MSI2: variants seen among roughly 807,000 people sequenced by gnomAD.
The protein encoded by MSI2 is RNA-binding protein Musashi homolog 2.
MSI2 carries 17 observed loss-of-function variants against 45.6 expected under a neutral mutation model. The observed-to-expected ratio is 0.37, with a 90% confidence interval of 0.26 to 0.56. The LOEUF is 0.56. MSI2 is among the 20% of genes least tolerant of loss of function. The probability of loss-of-function intolerance (pLI) is 0.77; values close to 1 mark genes in which losing one functional copy is unlikely to be tolerated. For missense variants in MSI2, 293 were observed against 444.2 expected (o/e 0.66, Z 3.06); for synonymous variants, 156 against 158.2 (o/e 0.99, Z 0.11).
At chr17:57,348,925 C>T (rs1039716302) in intron 5 of MSI2, among the ~76,000 whole-genome samples, 5 of 152,212 alleles carry the variant, frequency 3.3e-5, no homozygotes, top group Non-Finnish European at 7.3e-5. Flanking sequence ...TATTTACACT[C>T]GTGCCTGTTA....
chr17:57,663,194 G>T (rs1477773693), intron 11 of MSI2, among the ~76,000 whole-genome samples: 1 of 152,176 alleles, frequency 6.6e-6, no homozygotes, highest in Non-Finnish European at 1.5e-5. Context: ...GGGCCAAGGC[G>T]GGAGCAGCGG....
At chr17:57,650,959 T>C (rs1911099873) in intron 10 of MSI2, among the ~76,000 whole-genome samples, 1 of 152,174 alleles carries the variant, frequency 6.6e-6, no homozygotes. Context: ...GGGCTGTTTA[T>C]TGAGTTTGCG....
chr17:57,608,075 A>G (rs1906827027), intron 8 of MSI2, among the ~76,000 whole-genome samples: 1 of 152,208 alleles, frequency 6.6e-6, no homozygotes, highest in African/African-American at 2.4e-5. Flanking sequence ...AAAGGAGCAG[A>G]AGGGCTTGTA....
intron 7 of MSI2, among the ~76,000 whole-genome samples, chr17:57,563,711 C>G (rs112258765): frequency 0.025 from 3,535 of 141,652 alleles, 174 homozygotes; most frequent in African/African-American, 0.095. Flanking sequence ...CTGTCTGTCT[C>G]TCTCTCTCTT....
intron 5 of MSI2, among the ~76,000 whole-genome samples, chr17:57,324,326 G>A (rs1913607541): frequency 1.3e-5 from 2 of 152,198 alleles, no homozygotes; most frequent in South Asian, 4.1e-4. Flanking sequence ...ACCGCATGAG[G>A]TGGCTGCACA....
intron 6 of MSI2, among the ~76,000 whole-genome samples, chr17:57,414,039 G>A (rs1260814726): frequency 1.3e-5 from 2 of 150,832 alleles, no homozygotes; most frequent in Non-Finnish European, 2.9e-5. Flanking sequence ...ACAAGCATGG[G>A]GTGTGGGTGG....
rs1182197022 is a variant in MSI2, at chr17:57,517,241, T to C, written c.406-12435T>C. Among the ~76,000 whole-genome samples, 4 of 152,008 alleles carry C rather than the reference T, an allele frequency of 2.6e-5. No individual in the cohort carries two copies. In the South Asian group the frequency reaches 8.3e-4, roughly 32 times the overall value. ...GGGATGACTTTAGGGATAAGGGGAT[T>C]GGGGAGATTGGCTGCCAGGCAGCCC... On this transcript the variant is annotated intron_variant, in intron 6 of 13. Transcript: ENST00000284073.
chr17:57,662,038 A>T (rs1912028134), intron 11 of MSI2, among the ~76,000 whole-genome samples: 1 of 152,174 alleles, frequency 6.6e-6, no homozygotes, highest in Admixed American at 6.5e-5. Context: ...CCGGCGGCAA[A>T]GTCAGCCTAG....
At chr17:57,535,680 A>G (rs949959793) in intron 7 of MSI2, among the ~76,000 whole-genome samples, 3 of 152,174 alleles carry the variant, frequency 2.0e-5, no homozygotes, top group African/African-American at 7.2e-5. Context: ...TCTTGAACTA[A>G]GAGGGTCCTT....
intron 5 of MSI2, among the ~76,000 whole-genome samples, chr17:57,376,945 G>T (rs763991826): frequency 6.8e-6 from 1 of 146,318 alleles, no homozygotes; most frequent in Non-Finnish European, 1.5e-5. Context: ...TTTTGAGACG[G>T]AGTCTCGCTC....
At chr17:57,282,996 C>A (rs1181818821) in intron 5 of MSI2, among the ~76,000 whole-genome samples, 1 of 152,054 alleles carries the variant, frequency 6.6e-6, no homozygotes. Flanking sequence ...ACCATGTTCA[C>A]CTTTAACTGC....
At chr17:57,364,193 A>G (rs1175993613) in intron 5 of MSI2, among the ~76,000 whole-genome samples, 1 of 152,210 alleles carries the variant, frequency 6.6e-6, no homozygotes, top group East Asian at 1.9e-4. Flanking sequence ...GAACAGCAAG[A>G]CCTCATGTAG....
At chr17:57,632,627 G>A (rs1224236621) in intron 10 of MSI2, 29 of 1,065,842 alleles carry the variant, frequency 2.7e-5, no homozygotes, top group Non-Finnish European at 3.3e-5. Flanking sequence ...CTCAAGGTTG[G>A]CACTCCTGCC....
intron 6 of MSI2, among the ~76,000 whole-genome samples, chr17:57,470,095 C>A (rs925868572): frequency 1.3e-5 from 2 of 152,168 alleles, no homozygotes; most frequent in African/African-American, 2.4e-5. Flanking sequence ...AGGCTGACTG[C>A]GGGCCTGTCA....
chr17:57,351,116 A>G (rs570403496), intron 5 of MSI2, among the ~76,000 whole-genome samples: 2 of 151,994 alleles, frequency 1.3e-5, no homozygotes, highest in East Asian at 1.9e-4. Context: ...CTCTCTTCCC[A>G]CCTTCTCTTG....
chr17:57,497,227 T>G (rs916900547), intron 6 of MSI2, among the ~76,000 whole-genome samples: 7 of 152,264 alleles, frequency 4.6e-5, no homozygotes, highest in African/African-American at 1.7e-4. Flanking sequence ...TCCACCTGCC[T>G]TGGCCTCCCA....
chr17:57,381,389 T>G (rs1378514961), intron 5 of MSI2, among the ~76,000 whole-genome samples: 2 of 152,166 alleles, frequency 1.3e-5, no homozygotes, highest in Admixed American at 1.3e-4. Flanking sequence ...TTTAAATGGC[T>G]CATCTCAAAT....
chr17:57,280,917 TG>T lies in MSI2; in HGVS notation c.312+18730del, dbSNP rs1186791860. On this transcript the variant is annotated intron_variant, in intron 5 of 13. Transcript: ENST00000284073. The surrounding 1 kb of genome is among the most constrained non-coding windows in gnomAD (Gnocchi z 4.2). The stretch of plus-strand genomic sequence containing the variant: ...GGGGAGCACTTAATGAGTTTTAGGG[TG>T]GGGGTGGCCAGGTCAGATGGGTGTT... Among the ~76,000 whole-genome samples, 1 of 151,768 alleles carries T rather than the reference TG, an allele frequency of 6.6e-6. No homozygotes were observed. The highest frequency in any genetic ancestry group is 1.9e-4 in the East Asian group (1 of 5,172).
chr17:57,334,655 A>G (rs1428259406), intron 5 of MSI2, among the ~76,000 whole-genome samples: 1 of 152,018 alleles, frequency 6.6e-6, no homozygotes, highest in Non-Finnish European at 1.5e-5. Context: ...TTAGCCGGGC[A>G]TGGTGGTGGA....
Sources: gnomAD v4.1 joint callset for allele counts (sites outside exome capture counted in the v4.1 genomes callset) on GRCh38, gnomAD v4.1.1 for gene constraint, Gnocchi (gnomAD v3.1) non-coding constraint, MANE v1.5 for transcripts, NCBI Gene and HGNC (gene_info 2026-07-23, HGNC 2026-07-21) for gene names.